The following AQR variants were observed in gnomAD, a reference collection of about 807,000 sequenced individuals.
AQR encodes RNA helicase aquarius.
AQR carries 61 observed loss-of-function variants against 180.5 expected under a neutral mutation model. The ratio of observed to expected loss-of-function variants is 0.34; its 90% CI spans 0.28 to 0.42. The LOEUF is 0.42. AQR is among the 10% of genes least tolerant of loss of function. The pLI, the probability that AQR is intolerant of heterozygous loss-of-function variation, is 1.00. For missense variants in AQR, 1,281 were observed against 1,798.3 expected (o/e 0.71, Z 5.20); for synonymous variants, 551 against 588.8 (o/e 0.94, Z 0.93).
chr15:34,882,359 C>T (rs1892983297), intron 27 of AQR, 143 bp downstream of exon 27: 3 of 903,082 alleles, frequency 3.3e-6, no homozygotes, highest in South Asian at 7.3e-5. Flanking sequence ...ATTCAGAGTT[C>T]ACTAATCATG....
Position 34,856,486 on chromosome 15 carries a change from A to C in AQR, c.*306T>G, listed in dbSNP as rs1214653614. The C allele has an allele frequency of 2.5e-6, 1 of 402,500 alleles. No individual in the cohort carries two copies. Among genetic ancestry groups the C allele is most frequent in the Non-Finnish European group, 4.4e-6 (1 of 228,328 alleles). The allele number at this position is 402,500 out of a possible 1,614,324, so 24.9% of individuals were successfully genotyped here. A position where few individuals can be genotyped will look rare whatever the true frequency, so the allele number is the denominator to read the frequency against. ...CCTCTTCTTTAGAGAAGTTCACTAA[A>C]AATGTGAAGTATATATTATATATTC... On this transcript the variant is annotated 3_prime_UTR_variant, in exon 35 of 35. Coordinates refer to ENST00000156471, the MANE Select transcript of AQR (RefSeq NM_014691.3).
intron 32 of AQR, among the ~76,000 whole-genome samples, chr15:34,863,547 G>A (rs553406855): frequency 6.6e-6 from 1 of 152,220 alleles, no homozygotes; most frequent in Non-Finnish European, 1.5e-5. Flanking sequence ...TCCCTAATGT[G>A]AAAGTTCAAA....
intron 1 of AQR, 69 bp downstream of exon 1, chr15:34,969,470 C>T: frequency 6.4e-7 from 1 of 1,550,606 alleles, no homozygotes. Context: ...TGAAAAAAAA[C>T]CCCACCACCA....
chr15:34,882,361 C>A, intron 27 of AQR, 141 bp downstream of exon 27: 1 of 930,426 alleles, frequency 1.1e-6, no homozygotes. Context: ...TCAGAGTTCA[C>A]TAATCATGTA....
chr15:34,874,810 GA>G lies in AQR; in HGVS notation c.3291del (p.His1098ThrfsTer57), dbSNP rs1892869015. 6.2e-7 allele frequency: 1 copy of G among 1,613,734 alleles called. No homozygotes were observed. The highest frequency in any genetic ancestry group is 1.3e-5 in the African/African-American group (1 of 74,900). ...TTCTTAATAACTGGAGGTAACTGGT[GA>G]TGATCGCCAATCATAATCCATCGTT... ...RLKRWIMIGD[H>X]HQLPPVIKNM... On this transcript the variant is annotated frameshift_variant, in exon 29 of 35. Coordinates refer to ENST00000156471, the MANE Select transcript of AQR (RefSeq NM_014691.3). LOFTEE classifies it high-confidence loss of function.
rs1892585003 is a variant in AQR at position 34,856,285 on chromosome 15, T to TG, written c.*506dup. On this transcript the variant is annotated 3_prime_UTR_variant, in exon 35 of 35. Transcript: ENST00000156471. ...GAGAAGGAAATGCATGTAACCACTT[T>TG]GATAGATTGAAGAAACCTGTATCTT... is the stretch of plus-strand genomic sequence containing the variant. 1 of 343,696 alleles carries TG rather than the reference T, an allele frequency of 2.9e-6. No homozygotes were observed. The allele number at this position is 343,696 out of a possible 1,614,324, so 21.3% of individuals were successfully genotyped here.
At chr15:34,937,026 G>A (rs1893955043) in intron 9 of AQR, among the ~76,000 whole-genome samples, 1 of 152,078 alleles carries the variant, frequency 6.6e-6, no homozygotes, top group Admixed American at 6.6e-5. Context: ...AAGATTATAA[G>A]CATAAAACGT....
chr15:34,889,725 C>T lies in AQR; in HGVS notation c.2681+490G>A, dbSNP rs1021783892. 3.9e-5 allele frequency among the ~76,000 whole-genome samples: 6 copies of T among 152,010 alleles called. No homozygotes were observed. The East Asian group carries it at 5.8e-4, about 15-fold the overall frequency. On this transcript the variant is annotated intron_variant, in intron 24 of 34. Transcript: ENST00000156471. Reference sequence around the variant, plus strand: ...CTTGCTCTGTCGCCAGGCTGGAATGCAATGGCGCAATCTTGGCTCACTGCA... The same window carrying T: ...CTTGCTCTGTCGCCAGGCTGGAATGTAATGGCGCAATCTTGGCTCACTGCA...
At chr15:34,943,138 C>T (rs1357547332) in intron 6 of AQR, 1 of 1,611,304 alleles carries the variant, frequency 6.2e-7, no homozygotes, top group Non-Finnish European at 8.5e-7. Flanking sequence ...AAGCACCAAC[C>T]CCATAAAGTG....
At chr15:34,906,797 C>CTCTT in intron 17 of AQR, 85 bp from the exon 18 acceptor site, 1 of 1,351,464 alleles carries the variant, frequency 7.4e-7, no homozygotes, top group Non-Finnish European at 1.0e-6. Flanking sequence ...GCCTCTCTAC[C>CTCTT]TCTTATCTTT....
At chr15:34,893,607 G>GCGCACACACA in intron 23 of AQR, 56 bp downstream of exon 23, 1 of 997,688 alleles carries the variant, frequency 1.0e-6, no homozygotes, top group East Asian at 2.8e-5. Flanking sequence ...GCGCATGCGT[G>GCGCACACACA]CACACACACA....
chr15:34,865,774 C>T (rs1452678820), intron 32 of AQR, among the ~76,000 whole-genome samples: 1 of 152,150 alleles, frequency 6.6e-6, no homozygotes, highest in Non-Finnish European at 1.5e-5. Context: ...GAACCTTGAA[C>T]ATATGTTAAG....
chr15:34,884,668 T>C lies in AQR; in HGVS notation c.2884A>G (p.Thr962Ala), dbSNP rs1893030519. The C allele has an allele frequency of 3.7e-6, 6 of 1,612,834 alleles. No individual in the cohort carries two copies. Among genetic ancestry groups the C allele is most frequent in the Non-Finnish European group, 5.1e-6 (6 of 1,179,690 alleles). Residue 962 changes from threonine to alanine, a missense_variant, in exon 26 of 35, where the codon ACG becomes GCG. Physicochemically the swap from Thr to Ala is moderately conservative, Grantham distance 58 (BLOSUM62 0). Transcript: ENST00000156471. ...KNKGSTLPDV[T>A]EVSTFFPFHE... ...AAAGGGAAGAAAGTGGAGACTTCCG[T>C]AACATCTGGCAATGTACTACCTTTA...
chr15:34,936,573 G>A (rs1033037946), intron 9 of AQR, among the ~76,000 whole-genome samples: 4 of 151,990 alleles, frequency 2.6e-5, no homozygotes, highest in South Asian at 2.1e-4. Flanking sequence ...AAAATTAGCC[G>A]GGCATGGTGG....
At chr15:34,875,688 T>C (rs969397309) in intron 28 of AQR, among the ~76,000 whole-genome samples, 4 of 152,162 alleles carry the variant, frequency 2.6e-5, no homozygotes, top group Admixed American at 2.6e-4. Flanking sequence ...AATTACTAAA[T>C]CTTTTCAAAA....
intron 27 of AQR, 43 bp from the exon 28 acceptor site, chr15:34,876,049 AAAC>A: frequency 7.1e-7 from 1 of 1,409,474 alleles, no homozygotes; most frequent in Non-Finnish European, 1.0e-6. Flanking sequence ...CTTAAAAGTC[AAAC>A]AACTACCATC....
chr15:34,959,622 A>G (rs2050262568), intron 3 of AQR, among the ~76,000 whole-genome samples: 1 of 152,248 alleles, frequency 6.6e-6, no homozygotes, highest in Non-Finnish European at 1.5e-5. Flanking sequence ...AAAAGTCAGT[A>G]ATGGCATCAC....
intron 27 of AQR, among the ~76,000 whole-genome samples, chr15:34,876,871 T>G (rs565056827): frequency 5.3e-5 from 8 of 152,344 alleles, no homozygotes; most frequent in South Asian, 2.1e-4. Context: ...TGCTATTCTC[T>G]TCACTTTTAG....
rs541125799 is a variant in AQR at position 34,890,416 on chromosome 15, C to A, written c.2572-92G>T. On this transcript the variant is annotated intron_variant, in intron 23 of 34. Transcript: ENST00000156471. ...TCAAAGTTGAAACACAGAAGGAAATCAGCCTTATATTAGGCCATTTATAAT... is the reference window on the plus strand; with the variant it reads ...TCAAAGTTGAAACACAGAAGGAAATAAGCCTTATATTAGGCCATTTATAAT... 3.7e-5 allele frequency: 39 copies of A among 1,048,550 alleles called. No homozygotes were observed. In the Middle Eastern group the frequency reaches 8.2e-4, roughly 22 times the overall value. 65.0% of individuals were successfully genotyped at this position (1,048,550 alleles called of 1,614,324 possible).
Sources: allele counts gnomAD v4.1 joint callset (sites outside exome capture counted in the v4.1 genomes callset), GRCh38; gene constraint gnomAD v4.1.1; transcripts MANE v1.5; gene names NCBI Gene and HGNC (gene_info 2026-07-23, HGNC 2026-07-21).